PTPRD: variants seen among roughly 807,000 people sequenced by gnomAD.
The protein encoded by PTPRD is protein tyrosine phosphatase receptor type D.
A neutral mutation model predicts 214.5 loss-of-function variants in PTPRD; 34 were observed. The ratio of observed to expected loss-of-function variants is 0.16; its 90% CI spans 0.12 to 0.21. The LOEUF is 0.21. Among genes scored for constraint, PTPRD ranks in the 10% least tolerant of loss-of-function variants. PTPRD has a pLI of 1.00. For synonymous variants in PTPRD, 1,128 were observed against 845.7 expected (o/e 1.33, Z -5.79); for missense variants, 2,545 against 2,398.7 (o/e 1.06, Z -1.27).
chr9:9,032,372 G>A (rs912310717), intron 10 of PTPRD, among the ~76,000 whole-genome samples: 10 of 151,990 alleles, frequency 6.6e-5, no homozygotes, highest in Non-Finnish European at 1.0e-4. Flanking sequence ...CCTATGAGCC[G>A]TTAAAGATAT....
intron 9 of PTPRD, among the ~76,000 whole-genome samples, chr9:9,242,706 A>G (rs571623113): frequency 6.6e-6 from 1 of 152,104 alleles, no homozygotes; most frequent in African/African-American, 2.4e-5. Context: ...TCATTTAAGG[A>G]CTTCTCTACA....
chr9:8,650,267 C>T (rs1455506275), intron 12 of PTPRD, among the ~76,000 whole-genome samples: 5 of 151,852 alleles, frequency 3.3e-5, no homozygotes, highest in Non-Finnish European at 4.4e-5. Flanking sequence ...CGGTGGCTCA[C>T]GCCTGTAATC....
At chr9:10,226,824 T>C (rs1265825057) in intron 3 of PTPRD, among the ~76,000 whole-genome samples, 5 of 152,044 alleles carry the variant, frequency 3.3e-5, no homozygotes, top group Admixed American at 6.6e-5. Context: ...ACTTATGTTT[T>C]TTCCACTACG....
At chr9:10,200,666 G>C (rs2099416151) in intron 3 of PTPRD, among the ~76,000 whole-genome samples, 1 of 152,082 alleles carries the variant, frequency 6.6e-6, no homozygotes, top group Admixed American at 6.6e-5. Context: ...CTCAAGGGGA[G>C]TTATTGCAGA....
chr9:8,332,918 CT>C (rs567104000), intron 43 of PTPRD, among the ~76,000 whole-genome samples: 20 of 152,240 alleles, frequency 1.3e-4, no homozygotes, highest in African/African-American at 4.1e-4. Context: ...CCTCATCAAA[CT>C]TTTTTTAGAT....
chr9:8,890,193 A>G (rs995907261), intron 11 of PTPRD, among the ~76,000 whole-genome samples: 5 of 152,262 alleles, frequency 3.3e-5, no homozygotes, highest in Middle Eastern at 3.2e-3. Context: ...CTTGGCATGT[A>G]TGCCCTTTAT....
At chr9:9,747,372 G>A (rs971634753) in intron 6 of PTPRD, among the ~76,000 whole-genome samples, 2 of 152,102 alleles carry the variant, frequency 1.3e-5, no homozygotes, top group Admixed American at 1.3e-4. Context: ...GCAGCAACTC[G>A]TGCAGCACAG....
intron 7 of PTPRD, among the ~76,000 whole-genome samples, chr9:9,653,408 C>G (rs1181128106): frequency 7.5e-6 from 1 of 133,384 alleles, no homozygotes; most frequent in Non-Finnish European, 1.6e-5. Flanking sequence ...TCATTTTACG[C>G]CTAAAGAAAA....
chr9:9,335,942 G>A lies in PTPRD; in HGVS notation c.-203+61507C>T, dbSNP rs191352398. 4.3e-4 allele frequency among the ~76,000 whole-genome samples: 66 copies of A among 151,872 alleles called. 3 individuals carry two copies. In the East Asian group the frequency reaches 0.01, roughly 24 times the overall value. ...ATAATATTCATTTCCAATAATAGGA[G>A]AGATCATAAACTTGGATAAAATAAC... On this transcript the variant is annotated intron_variant, in intron 9 of 45. Transcript: ENST00000381196.
chr9:9,783,439 A>G (rs2098879907), intron 5 of PTPRD, among the ~76,000 whole-genome samples: 1 of 152,124 alleles, frequency 6.6e-6, no homozygotes, highest in Non-Finnish European at 1.5e-5. Context: ...AATCCTTTAT[A>G]TGCTGGGGTA....
At chr9:8,872,127 C>A (rs1485913447) in intron 11 of PTPRD, among the ~76,000 whole-genome samples, 2 of 152,148 alleles carry the variant, frequency 1.3e-5, no homozygotes, top group Non-Finnish European at 2.9e-5. Context: ...CAAGTGGTAC[C>A]ACCTGTGCTT....
rs528298381 is a variant in PTPRD at position 9,982,347 on chromosome 9, T to C, written c.-471-43737A>G. 2.0e-5 allele frequency among the ~76,000 whole-genome samples: 3 copies of C among 152,300 alleles called. No individual in the cohort carries two copies. In the South Asian group the frequency reaches 6.2e-4, roughly 32 times the overall value. On this transcript the variant is annotated intron_variant, in intron 4 of 45. Coordinates refer to ENST00000381196, the MANE Select transcript of PTPRD (RefSeq NM_002839.4). ...ATTGTCTTTAAGCTAAAATAGCATT[T>C]TTAGGGCACAATTATTTATGTGCTA...
chr9:10,488,033 G>C (rs13290857), intron 2 of PTPRD, among the ~76,000 whole-genome samples: 17,543 of 144,070 alleles, frequency 0.12, 1,396 homozygotes, highest in Non-Finnish European at 0.18. Flanking sequence ...GAGCTGGGGG[G>C]TGGTGTGACA....
chr9:9,327,175 C>G (rs750924548), intron 9 of PTPRD, among the ~76,000 whole-genome samples: 1 of 152,124 alleles, frequency 6.6e-6, no homozygotes, highest in African/African-American at 2.4e-5. Flanking sequence ...ATCACAGACT[C>G]ATTTATATTG....
At chr9:8,881,028 A>G (rs2098441738) in intron 11 of PTPRD, among the ~76,000 whole-genome samples, 1 of 152,156 alleles carries the variant, frequency 6.6e-6, no homozygotes, top group African/African-American at 2.4e-5. Context: ...CGGCCTCCCA[A>G]AGTGCTAGAA....
At chr9:10,258,268 G>A (rs1156387072) in intron 3 of PTPRD, among the ~76,000 whole-genome samples, 1 of 148,252 alleles carries the variant, frequency 6.7e-6, no homozygotes, top group Non-Finnish European at 1.5e-5. Flanking sequence ...TTCTGCTTAG[G>A]CAGCCCTCTA....
At chr9:9,830,732 G>GGTATC (rs2054552446) in intron 5 of PTPRD, among the ~76,000 whole-genome samples, 1 of 151,906 alleles carries the variant, frequency 6.6e-6, no homozygotes, top group African/African-American at 2.4e-5. Context: ...GAAATGGTGT[G>GGTATC]AAGTCCACTG....
chr9:9,928,934 A>G (rs1428159783), intron 5 of PTPRD, among the ~76,000 whole-genome samples: 1 of 152,170 alleles, frequency 6.6e-6, no homozygotes, highest in African/African-American at 2.4e-5. Flanking sequence ...TATTTGTAAA[A>G]GGCTTTCACA....
At chr9:9,660,107 A>C (rs2096593893) in intron 7 of PTPRD, among the ~76,000 whole-genome samples, 1 of 152,070 alleles carries the variant, frequency 6.6e-6, no homozygotes, top group Non-Finnish European at 1.5e-5. Flanking sequence ...CTATTGGCCT[A>C]ATTTTTATAT....
Sources: gnomAD v4.1 joint callset for allele counts (sites outside exome capture counted in the v4.1 genomes callset) on GRCh38, gnomAD v4.1.1 for gene constraint, MANE v1.5 for transcripts, NCBI Gene and HGNC (gene_info 2026-07-23, HGNC 2026-07-21) for gene names.